Variants in SLC24A3 observed in about 807,000 individuals in gnomAD.
The protein encoded by SLC24A3 is solute carrier family 24 member 3, also known as sodium/potassium/calcium exchanger 3.
Under a neutral mutation model 75.8 loss-of-function variants are expected in SLC24A3, and 28 were observed. The ratio of observed to expected loss-of-function variants is 0.37; its 90% CI spans 0.27 to 0.51. The LOEUF (loss-of-function observed/expected upper bound fraction) is 0.51, where lower values mean the gene tolerates loss of function less well. Among genes scored for constraint, SLC24A3 ranks in the 20% least tolerant of loss-of-function variants. SLC24A3 has a pLI of 0.94. For missense variants in SLC24A3, 663 were observed against 847.8 expected, an observed-to-expected ratio of 0.78 and a Z score of 2.71; for synonymous variants, 372 against 334.1, an observed-to-expected ratio of 1.11 and a Z score of -1.24.
At chr20:19,235,156 G>C (rs978209576) in intron 1 of SLC24A3, among the ~76,000 whole-genome samples, 1 of 152,232 alleles carries the variant, frequency 6.6e-6, no homozygotes, top group African/African-American at 2.4e-5. Context: ...GGCATGCCCT[G>C]CATGGGATGT....
chr20:19,555,102 C>A (rs1184447052), intron 3 of SLC24A3, among the ~76,000 whole-genome samples: 1 of 152,186 alleles, frequency 6.6e-6, no homozygotes, highest in African/African-American at 2.4e-5. Flanking sequence ...GTAGCCTCAG[C>A]AACTTGCAGC....
At position 19,717,523 on chromosome 20, in the gene SLC24A3, T is replaced by C; in HGVS notation, c.1720-5T>C. On this transcript the variant is annotated splice_region_variant and splice_polypyrimidine_tract_variant and intron_variant, in intron 15 of 16. Coordinates refer to ENST00000328041, the MANE Select transcript of SLC24A3 (RefSeq NM_020689.4). Reference sequence around the variant, plus strand: ...CAGAAGCCTAACTCTAACCCTCTCTTACAGATCCGGCTGAATAGCAGGGGG... The same window carrying C: ...CAGAAGCCTAACTCTAACCCTCTCTCACAGATCCGGCTGAATAGCAGGGGG... 1 of 1,614,002 alleles carries C rather than the reference T, an allele frequency of 6.2e-7. No individual in the cohort carries two copies. Among genetic ancestry groups the C allele is most frequent in the Non-Finnish European group, 8.5e-7 (1 of 1,179,876 alleles).
chr20:19,301,513 T>A (rs1984196519), intron 2 of SLC24A3, among the ~76,000 whole-genome samples: 1 of 152,210 alleles, frequency 6.6e-6, no homozygotes, highest in Non-Finnish European at 1.5e-5. Context: ...GGAGCTCACT[T>A]ACCACCTCCT....
At chr20:19,330,346 C>T (rs1262463469) in intron 2 of SLC24A3, among the ~76,000 whole-genome samples, 5 of 152,160 alleles carry the variant, frequency 3.3e-5, no homozygotes, top group African/African-American at 1.2e-4. Flanking sequence ...CCCAGCTGTC[C>T]AGGGCCCTGA....
At chr20:19,533,745 G>C (rs2030345967) in intron 3 of SLC24A3, among the ~76,000 whole-genome samples, 1 of 152,226 alleles carries the variant, frequency 6.6e-6, no homozygotes, top group Non-Finnish European at 1.5e-5. Context: ...TATCCCAGCA[G>C]CATTGAAAGC....
At chr20:19,506,104 G>A (rs558610812) in intron 2 of SLC24A3, among the ~76,000 whole-genome samples, 33 of 152,330 alleles carry the variant, frequency 2.2e-4, no homozygotes, top group South Asian at 2.1e-3. Context: ...ACTCAAAGAT[G>A]TTAAAGAATT....
intron 2 of SLC24A3, among the ~76,000 whole-genome samples, chr20:19,325,466 C>A (rs2122283252): frequency 6.6e-6 from 1 of 151,318 alleles, no homozygotes; most frequent in East Asian, 2.0e-4. Context: ...AACAAACCAA[C>A]AAGAAAGGGA....
intron 2 of SLC24A3, among the ~76,000 whole-genome samples, chr20:19,469,051 A>C (rs1987818774): frequency 6.6e-6 from 1 of 152,144 alleles, no homozygotes; most frequent in African/African-American, 2.4e-5. Context: ...TTATGATAAC[A>C]AAGGGCAATG....
intron 1 of SLC24A3, among the ~76,000 whole-genome samples, chr20:19,235,888 T>C (rs1313770090): frequency 6.6e-6 from 1 of 152,196 alleles, no homozygotes; most frequent in African/African-American, 2.4e-5. Context: ...CAGTCTGTAG[T>C]CTTCAAGGTC....
chr20:19,275,871 C>T (rs888189471), intron 1 of SLC24A3, among the ~76,000 whole-genome samples: 8 of 152,284 alleles, frequency 5.3e-5, no homozygotes, highest in Admixed American at 3.3e-4. Flanking sequence ...TGCCTCCACC[C>T]GTGACATGTG....
intron 2 of SLC24A3, among the ~76,000 whole-genome samples, chr20:19,425,848 A>C (rs1986997301): frequency 6.6e-6 from 1 of 152,128 alleles, no homozygotes; most frequent in African/African-American, 2.4e-5. Context: ...AATTGTCCCA[A>C]ATTGGGCCAG....
chr20:19,674,052 C>T (rs2032498212), intron 9 of SLC24A3, among the ~76,000 whole-genome samples: 1 of 152,194 alleles, frequency 6.6e-6, no homozygotes, highest in Admixed American at 6.5e-5. Flanking sequence ...CAACATGAGC[C>T]AGCCATCCGG....
intron 6 of SLC24A3, among the ~76,000 whole-genome samples, chr20:19,652,746 T>C (rs945304469): frequency 2.6e-5 from 4 of 152,204 alleles, no homozygotes; most frequent in African/African-American, 9.6e-5. Flanking sequence ...AAACCTCTAG[T>C]TTGACTTGGT....
chr20:19,597,130 C>T (rs1209628174), intron 6 of SLC24A3, among the ~76,000 whole-genome samples: 1 of 152,116 alleles, frequency 6.6e-6, no homozygotes, highest in Non-Finnish European at 1.5e-5. Context: ...CACCTGTGGC[C>T]CCAGCACTTT....
intron 3 of SLC24A3, among the ~76,000 whole-genome samples, chr20:19,577,546 A>G (rs913189587): frequency 6.6e-6 from 1 of 152,230 alleles, no homozygotes; most frequent in African/African-American, 2.4e-5. Context: ...AAGAAATACT[A>G]TTTCAGAGTG....
intron 2 of SLC24A3, among the ~76,000 whole-genome samples, chr20:19,358,228 A>G (rs1345598496): frequency 2.6e-5 from 4 of 152,200 alleles, no homozygotes; most frequent in African/African-American, 9.7e-5. Flanking sequence ...GAGGCAGGTG[A>G]TACATGAGCA....
At chr20:19,260,857 G>T (rs151246327) in intron 1 of SLC24A3, among the ~76,000 whole-genome samples, 1 of 152,306 alleles carries the variant, frequency 6.6e-6, no homozygotes, top group Non-Finnish European at 1.5e-5. Flanking sequence ...GGACCGACAC[G>T]CTCCTCTTAC....
At chr20:19,697,359 CTA>C (rs1158358441) in intron 14 of SLC24A3, 1 of 171,826 alleles carries the variant, frequency 5.8e-6, no homozygotes, top group African/African-American at 2.4e-5. Context: ...GATAGATGCA[CTA>C]TCTTATTTGA....
chr20:19,410,653 G>A (rs1034902634), intron 2 of SLC24A3, among the ~76,000 whole-genome samples: 1 of 152,142 alleles, frequency 6.6e-6, no homozygotes, highest in Non-Finnish European at 1.5e-5. Context: ...TCTAATTTTG[G>A]TTTTGGTCAT....
Sources: allele counts gnomAD v4.1 joint callset (sites outside exome capture counted in the v4.1 genomes callset), GRCh38; gene constraint gnomAD v4.1.1; transcripts MANE v1.5; gene names NCBI Gene and HGNC (gene_info 2026-07-23, HGNC 2026-07-21).